ATP6V1H: variants seen among roughly 807,000 people sequenced by gnomAD.
ATP6V1H encodes ATPase H+ transporting V1 subunit H, also known as V-type proton ATPase subunit H.
Under a neutral mutation model 71.7 loss-of-function variants are expected in ATP6V1H, and 39 were observed. The observed-to-expected ratio is 0.54, with a 90% CI of 0.42 to 0.71. The LOEUF (loss-of-function observed/expected upper bound fraction) is 0.71, where lower values mean the gene tolerates loss of function less well. ATP6V1H is among the 30% of genes least tolerant of loss of function. The probability of loss-of-function intolerance (pLI) is 0.00; values close to 1 mark genes in which losing one functional copy is unlikely to be tolerated. For synonymous variants in ATP6V1H, 192 were observed against 199.3 expected (o/e 0.96, Z 0.31); for missense variants, 509 against 594.9 (o/e 0.86, Z 1.50).
At chr8:53,723,964 C>A (rs946693306) in intron 13 of ATP6V1H, among the ~76,000 whole-genome samples, 3 of 152,178 alleles carry the variant, frequency 2.0e-5, no homozygotes, top group Admixed American at 1.3e-4. Flanking sequence ...CTGTCAAAAA[C>A]CAGTTTTTAA....
chr8:53,782,091 G>T (rs1278462705), intron 9 of ATP6V1H, among the ~76,000 whole-genome samples: 2 of 152,316 alleles, frequency 1.3e-5, no homozygotes, highest in South Asian at 4.1e-4. Flanking sequence ...GTCATTGGTA[G>T]CTTGATGGGG....
At chr8:53,782,095 G>A (rs1351358791) in intron 9 of ATP6V1H, among the ~76,000 whole-genome samples, 1 of 152,212 alleles carries the variant, frequency 6.6e-6, no homozygotes, top group Non-Finnish European at 1.5e-5. Flanking sequence ...TTGGTAGCTT[G>A]ATGGGGATGG....
At position 53,778,475 on chromosome 8, in the gene ATP6V1H, T is replaced by A. The variant is rs193028102; in HGVS notation, c.871-6308A>T. Among the ~76,000 whole-genome samples, 7 of 152,264 alleles carry A rather than the reference T, an allele frequency of 4.6e-5. No homozygotes were observed. The East Asian group carries it at 1.2e-3, about 25-fold the overall frequency. Reference sequence around the variant, plus strand: ...TTTTGTACCCATTAACCAATCTCACTTCATCCCCTCCTACCCTGGTACCCT... The same window carrying A: ...TTTTGTACCCATTAACCAATCTCACATCATCCCCTCCTACCCTGGTACCCT... On this transcript the variant is annotated intron_variant, in intron 9 of 13. Coordinates refer to ENST00000359530, the MANE Select transcript of ATP6V1H (RefSeq NM_015941.4).
intron 9 of ATP6V1H, among the ~76,000 whole-genome samples, chr8:53,780,199 T>TCAACTATAACTTC (rs1166050595): frequency 1.3e-5 from 2 of 151,878 alleles, no homozygotes; most frequent in African/African-American, 4.8e-5. Context: ...ACTAATGGCT[T>TCAACTATAACTTC]CAACTATAAC....
At chr8:53,822,295 GAA>G (rs1810688123) in intron 4 of ATP6V1H, among the ~76,000 whole-genome samples, 1 of 152,032 alleles carries the variant, frequency 6.6e-6, no homozygotes, top group Non-Finnish European at 1.5e-5. Flanking sequence ...AACCAGTGGT[GAA>G]AATTTAATAT....
At chr8:53,789,509 G>A (rs1165936636) in intron 9 of ATP6V1H, among the ~76,000 whole-genome samples, 1 of 151,870 alleles carries the variant, frequency 6.6e-6, no homozygotes, top group East Asian at 1.9e-4. Context: ...ATTAATACCT[G>A]GTTTTTCATA....
At chr8:53,819,234 A>G (rs948352432) in intron 4 of ATP6V1H, among the ~76,000 whole-genome samples, 1 of 151,642 alleles carries the variant, frequency 6.6e-6, no homozygotes, top group Non-Finnish European at 1.5e-5. Flanking sequence ...TTAAAAAAAT[A>G]AAAATATATA....
At chr8:53,719,569 G>A (rs1288938379) in intron 13 of ATP6V1H, among the ~76,000 whole-genome samples, 1 of 152,192 alleles carries the variant, frequency 6.6e-6, no homozygotes, top group Non-Finnish European at 1.5e-5. Flanking sequence ...TCTGTGCCAG[G>A]CACAGGGGGT....
intron 2 of ATP6V1H, among the ~76,000 whole-genome samples, chr8:53,836,938 C>T (rs1185770676): frequency 1.3e-5 from 2 of 151,984 alleles, no homozygotes; most frequent in African/African-American, 2.4e-5. Flanking sequence ...GTCAAGAGTT[C>T]GAGACCAGCC....
intron 4 of ATP6V1H, among the ~76,000 whole-genome samples, chr8:53,821,201 T>C (rs1005699949): frequency 6.6e-6 from 1 of 150,964 alleles, no homozygotes; most frequent in Non-Finnish European, 1.5e-5. Flanking sequence ...TAAAACTCCA[T>C]CTCTACTAAA....
chr8:53,724,008 A>G (rs1338846060), intron 13 of ATP6V1H, among the ~76,000 whole-genome samples: 1 of 152,220 alleles, frequency 6.6e-6, no homozygotes, highest in Non-Finnish European at 1.5e-5. Flanking sequence ...GCAATCTACA[A>G]TTTACTATTT....
chr8:53,740,874 C>G (rs1005748859), intron 13 of ATP6V1H, among the ~76,000 whole-genome samples: 2 of 152,194 alleles, frequency 1.3e-5, no homozygotes, highest in Non-Finnish European at 2.9e-5. Flanking sequence ...CTTTCATTCT[C>G]TGGCACAGGG....
chr8:53,819,546 G>GAA (rs1563481304), intron 4 of ATP6V1H, among the ~76,000 whole-genome samples: 1 of 9,622 alleles, frequency 1.0e-4, no homozygotes, highest in African/African-American at 4.7e-4. Context: ...AAAAAAAAAA[G>GAA]CATATATATA....
At chr8:53,731,852 T>C (rs1177179680) in intron 13 of ATP6V1H, among the ~76,000 whole-genome samples, 1 of 152,248 alleles carries the variant, frequency 6.6e-6, no homozygotes, top group Admixed American at 6.5e-5. Flanking sequence ...TCCAGCCAGC[T>C]TGAGCGACGC....
chr8:53,810,271 C>T (rs1191623609), intron 7 of ATP6V1H, among the ~76,000 whole-genome samples: 3 of 152,216 alleles, frequency 2.0e-5, no homozygotes. Context: ...TCATGAACAT[C>T]GTTAACTTGT....
intron 9 of ATP6V1H, among the ~76,000 whole-genome samples, chr8:53,788,484 T>C (rs770154820): frequency 6.6e-6 from 1 of 152,204 alleles, no homozygotes; most frequent in Non-Finnish European, 1.5e-5. Context: ...TTAGCAAGAA[T>C]CCAACTTACA....
Position 53,814,759 on chromosome 8 carries a change from C to T in ATP6V1H, c.428G>A (p.Arg143Lys). The change falls in exon 6 of 14, where the codon AGA becomes AAA. Residue 143 changes from arginine to lysine, a missense_variant. Transcript: ENST00000359530. ...QDPFTVHMAA[R>K]IIAKLAAWGK... ...CCAAGCTGCTAACTTGGCAATAATT[C>T]TTGCTGCCTGAAAACAAATAAGAGA... 1.2e-6 allele frequency: 2 copies of T among 1,609,412 alleles called. No homozygotes were observed. The highest frequency in any genetic ancestry group is 1.7e-6 in the Non-Finnish European group (2 of 1,176,836).
chr8:53,737,099 G>A (rs1807238915), intron 13 of ATP6V1H, among the ~76,000 whole-genome samples: 1 of 152,220 alleles, frequency 6.6e-6, no homozygotes, highest in Non-Finnish European at 1.5e-5. Context: ...GCCCTTAAAA[G>A]GGCAGGCATT....
intron 13 of ATP6V1H, among the ~76,000 whole-genome samples, chr8:53,724,727 A>G (rs1487962398): frequency 6.6e-6 from 1 of 151,962 alleles, no homozygotes; most frequent in Admixed American, 6.6e-5. Context: ...ATGTAAGATA[A>G]AAACAAATCT....
Sources: allele counts gnomAD v4.1 joint callset (sites outside exome capture counted in the v4.1 genomes callset), GRCh38; gene constraint gnomAD v4.1.1; transcripts MANE v1.5; gene names NCBI Gene and HGNC (gene_info 2026-07-23, HGNC 2026-07-21).